Variants in ZNF385D observed in about 807,000 individuals in gnomAD.
ZNF385D encodes zinc finger protein 659.
ZNF385D carries 15 observed loss-of-function variants against 35.8 expected under a neutral mutation model. The ratio of observed to expected loss-of-function variants is 0.42; its 90% CI spans 0.28 to 0.64. ZNF385D has a LOEUF of 0.64. ZNF385D is among the 30% of genes least tolerant of loss of function. The pLI, the probability that ZNF385D is intolerant of heterozygous loss-of-function variation, is 0.23. For missense variants in ZNF385D, 474 were observed against 494.6 expected (o/e 0.96, Z 0.39); for synonymous variants, 212 against 186.8 (o/e 1.13, Z -1.10).
chr3:21,447,880 T>C (rs1385816043), intron 4 of ZNF385D, among the ~76,000 whole-genome samples: 2 of 152,176 alleles, frequency 1.3e-5, no homozygotes, highest in African/African-American at 2.4e-5. Context: ...TCAGTTTTTT[T>C]GTACTGTAGA....
intron 2 of ZNF385D, among the ~76,000 whole-genome samples, chr3:22,251,149 G>A (rs1343955872): frequency 6.6e-6 from 1 of 152,082 alleles, no homozygotes; most frequent in African/African-American, 2.4e-5. Context: ...AGACTTAGCT[G>A]ACATACATTT....
chr3:22,065,218 G>C (rs774302717), intron 3 of ZNF385D, among the ~76,000 whole-genome samples: 1 of 152,116 alleles, frequency 6.6e-6, no homozygotes, highest in South Asian at 2.1e-4. Flanking sequence ...TGCTCTCCTC[G>C]TAGGACTGGG....
intron 3 of ZNF385D, among the ~76,000 whole-genome samples, chr3:21,815,514 C>G (rs551834213): frequency 7.2e-5 from 11 of 152,284 alleles, no homozygotes; most frequent in African/African-American, 2.6e-4. Flanking sequence ...ACTGATCCCA[C>G]AGAAATACAA....
intron 3 of ZNF385D, among the ~76,000 whole-genome samples, chr3:21,895,173 C>A (rs1345497890): frequency 6.6e-6 from 1 of 151,932 alleles, no homozygotes; most frequent in Admixed American, 6.6e-5. Flanking sequence ...TGAGGTATTT[C>A]TATTTGACTG....
At chr3:21,762,538 C>T (rs1004165019) in intron 3 of ZNF385D, among the ~76,000 whole-genome samples, 1 of 152,130 alleles carries the variant, frequency 6.6e-6, no homozygotes, top group Non-Finnish European at 1.5e-5. Flanking sequence ...CTTACTAGTT[C>T]TCTTTTCTTG....
intron 2 of ZNF385D, among the ~76,000 whole-genome samples, chr3:22,333,604 C>T (rs979562087): frequency 6.6e-6 from 1 of 152,098 alleles, no homozygotes; most frequent in Non-Finnish European, 1.5e-5. Context: ...GCCCTAAAAT[C>T]TCCCATTTTG....
chr3:21,413,910 A>G lies in ZNF385D; in HGVS notation c.*7304T>C, dbSNP rs952156105. On this transcript the variant is annotated 3_prime_UTR_variant, in exon 8 of 8. Transcript: ENST00000281523. Reference sequence around the variant, plus strand: ...AGTAAATAGACATACTTATCACTCAATTTATTCGACAGTGTCTGTTTGTAG... The same window carrying G: ...AGTAAATAGACATACTTATCACTCAGTTTATTCGACAGTGTCTGTTTGTAG... 3.9e-5 allele frequency: 6 copies of G among 152,148 alleles called. No homozygotes were observed. The highest frequency in any genetic ancestry group is 1.4e-4 in the African/African-American group (6 of 41,556). 9.4% of individuals were successfully genotyped at this position (152,148 alleles called of 1,614,324 possible).
intron 1 of ZNF385D, among the ~76,000 whole-genome samples, chr3:21,711,766 A>G (rs537079100): frequency 3.3e-5 from 5 of 152,316 alleles, no homozygotes; most frequent in Non-Finnish European, 5.9e-5. Flanking sequence ...GCTAAGCCCT[A>G]TTTCCTCCAA....
intron 3 of ZNF385D, among the ~76,000 whole-genome samples, chr3:21,876,920 G>C (rs1020311799): frequency 1.3e-5 from 2 of 151,986 alleles, no homozygotes; most frequent in Admixed American, 1.3e-4. Flanking sequence ...TTATGTGTTT[G>C]CCCATTAAGC....
chr3:21,780,090 G>A (rs2071433190), intron 3 of ZNF385D, among the ~76,000 whole-genome samples: 1 of 151,870 alleles, frequency 6.6e-6, no homozygotes. Context: ...CACCCACACA[G>A]AAACACACAC....
intron 2 of ZNF385D, among the ~76,000 whole-genome samples, chr3:21,654,824 G>A (rs1394953010): frequency 6.6e-6 from 1 of 151,978 alleles, no homozygotes; most frequent in Non-Finnish European, 1.5e-5. Context: ...AGATCAGTAT[G>A]GGTCTGTGTA....
intron 4 of ZNF385D, among the ~76,000 whole-genome samples, chr3:21,500,713 G>A (rs1459750312): frequency 1.3e-5 from 2 of 152,280 alleles, no homozygotes; most frequent in East Asian, 3.9e-4. Context: ...TGTAAGACTG[G>A]CAAAAATGAT....
Position 21,846,903 on chromosome 3 carries a change from T to A in ZNF385D, c.326-181875A>T, listed in dbSNP as rs527733682. Among the ~76,000 whole-genome samples, 6 of 152,110 alleles carry A rather than the reference T, an allele frequency of 3.9e-5. No individual in the cohort carries two copies. The East Asian group carries it at 9.7e-4, about 25-fold the overall frequency. On this transcript the variant is annotated intron_variant, in intron 3 of 5. Transcript: ENST00000494108. Reference sequence around the variant, plus strand: ...CTTGACAAAGCTTAATAAAGAGAACTGATAACCTATTAGTGGTTTGCCTGA... The same window carrying A: ...CTTGACAAAGCTTAATAAAGAGAACAGATAACCTATTAGTGGTTTGCCTGA...
intron 2 of ZNF385D, among the ~76,000 whole-genome samples, chr3:22,319,596 T>C (rs1330057891): frequency 2.6e-5 from 4 of 152,116 alleles, no homozygotes; most frequent in Admixed American, 6.5e-5. Flanking sequence ...AATAGCAGGG[T>C]CCACAGATTT....
At chr3:22,224,145 A>C (rs1402986232) in intron 2 of ZNF385D, among the ~76,000 whole-genome samples, 1 of 152,212 alleles carries the variant, frequency 6.6e-6, no homozygotes, top group African/African-American at 2.4e-5. Context: ...AAGAATGAGG[A>C]GAAAGAACAT....
At chr3:22,286,979 T>C (rs960219338) in intron 2 of ZNF385D, among the ~76,000 whole-genome samples, 1 of 152,056 alleles carries the variant, frequency 6.6e-6, no homozygotes, top group African/African-American at 2.4e-5. Context: ...AGGATGTTGA[T>C]CCCCTACAAT....
At chr3:22,223,902 C>G (rs993806345) in intron 2 of ZNF385D, among the ~76,000 whole-genome samples, 2 of 152,118 alleles carry the variant, frequency 1.3e-5, no homozygotes, top group African/African-American at 4.8e-5. Flanking sequence ...GCCACCCTCA[C>G]TAGAATGAAG....
chr3:22,357,408 T>C (rs1020417523), intron 2 of ZNF385D, among the ~76,000 whole-genome samples: 3 of 151,832 alleles, frequency 2.0e-5, no homozygotes, highest in Non-Finnish European at 4.4e-5. Flanking sequence ...TTTACAGTCT[T>C]AGGAAATTCT....
At chr3:21,718,999 A>G (rs545933117) in intron 1 of ZNF385D, among the ~76,000 whole-genome samples, 1 of 152,220 alleles carries the variant, frequency 6.6e-6, no homozygotes, top group Non-Finnish European at 1.5e-5. Context: ...AAGCGGCTAC[A>G]AATTAGTCTG....
Sources: gnomAD v4.1 joint callset for allele counts (sites outside exome capture counted in the v4.1 genomes callset) on GRCh38, gnomAD v4.1.1 for gene constraint, MANE v1.5 for transcripts, NCBI Gene and HGNC (gene_info 2026-07-23, HGNC 2026-07-21) for gene names.